The following SPMIP7 variants were observed in gnomAD, a reference collection of about 807,000 sequenced individuals.
SPMIP7 encodes the protein sperm microtubule inner protein 7, also known as protein SPMIP7.
At chr7:50,145,903 T>C in the SPMIP7 span, among the ~76,000 whole-genome samples, 15 of 151,748 alleles carry the variant, frequency 9.9e-5, no homozygotes, top group African/African-American at 3.6e-4. Flanking sequence ...CTAAGGACGT[T>C]ACAAGGTTTC....
the SPMIP7 span, among the ~76,000 whole-genome samples, chr7:50,147,442 GGACCTAT>G: frequency 6.6e-6 from 1 of 152,166 alleles, no homozygotes; most frequent in African/African-American, 2.4e-5. Context: ...CATGATCATA[GGACCTAT>G]GACACAAGAT....
the SPMIP7 span, among the ~76,000 whole-genome samples, chr7:50,098,778 T>C: frequency 6.6e-6 from 1 of 152,068 alleles, no homozygotes; most frequent in South Asian, 2.1e-4. Flanking sequence ...GCTAATTACC[T>C]CCCGAAGTCT....
chr7:50,120,555 G>A, the SPMIP7 span, among the ~76,000 whole-genome samples: 3 of 152,122 alleles, frequency 2.0e-5, no homozygotes, highest in Non-Finnish European at 4.4e-5. Flanking sequence ...ACTACAGAAA[G>A]CTTAATTTAA....
chr7:50,096,412 G>T, the SPMIP7 span: 8 of 1,551,760 alleles, frequency 5.2e-6, no homozygotes, highest in Non-Finnish European at 7.0e-6. Flanking sequence ...CCTGTTCAGG[G>T]TTTATGAGTC....
chr7:50,124,656 T>C, the SPMIP7 span, among the ~76,000 whole-genome samples: 2 of 152,122 alleles, frequency 1.3e-5, no homozygotes, highest in African/African-American at 2.4e-5. Context: ...AGTCACAAGA[T>C]AAATTAGAAA....
chr7:50,105,239 T>C, the SPMIP7 span, among the ~76,000 whole-genome samples: 2 of 152,170 alleles, frequency 1.3e-5, no homozygotes, highest in East Asian at 3.8e-4. Flanking sequence ...CATGATAAAA[T>C]TCAACCCCTT....
At chr7:50,155,640 C>T in the SPMIP7 span, among the ~76,000 whole-genome samples, 25 of 152,220 alleles carry the variant, frequency 1.6e-4, no homozygotes, top group South Asian at 6.2e-4. Context: ...TGTGATAAAA[C>T]GTTCCTATTA....
At chr7:50,117,968 A>G in the SPMIP7 span, among the ~76,000 whole-genome samples, 12 of 152,240 alleles carry the variant, frequency 7.9e-5, no homozygotes, top group Admixed American at 7.9e-4. Context: ...GCCATTATTA[A>G]GATTGAAGAT....
chr7:50,096,215 G>A, the SPMIP7 span: 3 of 1,551,762 alleles, frequency 1.9e-6, no homozygotes, highest in East Asian at 2.4e-5. Context: ...CATGCCTTTT[G>A]TGAAAGGTCT....
the SPMIP7 span, chr7:50,158,996 A>G: frequency 1.1e-5 from 17 of 1,537,128 alleles, no homozygotes; most frequent in Admixed American, 4.0e-5. Context: ...GTGTATTTGT[A>G]CATGTCTTTT....
the SPMIP7 span, among the ~76,000 whole-genome samples, chr7:50,125,161 CACATATAT>C: frequency 0.021 from 825 of 38,864 alleles, 80 homozygotes; most frequent in African/African-American, 0.079. Context: ...CATATATATA[CACATATAT>C]ACACATATAT....
chr7:50,144,615 T>C, the SPMIP7 span, among the ~76,000 whole-genome samples: 1 of 152,190 alleles, frequency 6.6e-6, no homozygotes, highest in Non-Finnish European at 1.5e-5. Flanking sequence ...AAAAATGAAA[T>C]TGTTGCCTGA....
chr7:50,124,613 C>T, the SPMIP7 span, among the ~76,000 whole-genome samples: 2 of 152,188 alleles, frequency 1.3e-5, no homozygotes, highest in African/African-American at 4.8e-5. Context: ...TAAAATTAAA[C>T]ACACTTCTAA....
the SPMIP7 span, among the ~76,000 whole-genome samples, chr7:50,111,913 A>G: frequency 6.6e-6 from 1 of 152,172 alleles, no homozygotes; most frequent in African/African-American, 2.4e-5. Flanking sequence ...CAAGAATCAA[A>G]ACAATCTAGT....
chr7:50,117,398 C>A, the SPMIP7 span: 3 of 333,670 alleles, frequency 9.0e-6, no homozygotes, highest in South Asian at 7.4e-5. Context: ...AAGACACGAC[C>A]TTTATTTGCA....
the SPMIP7 span, among the ~76,000 whole-genome samples, chr7:50,131,350 G>A: frequency 6.6e-6 from 1 of 152,154 alleles, no homozygotes; most frequent in Non-Finnish European, 1.5e-5. Flanking sequence ...CAAGGTGAAG[G>A]CAGTGGAGAA....
At chr7:50,102,731 A>G in the SPMIP7 span, among the ~76,000 whole-genome samples, 1 of 152,122 alleles carries the variant, frequency 6.6e-6, no homozygotes, top group Non-Finnish European at 1.5e-5. Flanking sequence ...TGAAAATAGT[A>G]TTACTACATT....
the SPMIP7 span, among the ~76,000 whole-genome samples, chr7:50,125,094 G>GTATATATATA: frequency 2.3e-3 from 170 of 73,800 alleles, 22 homozygotes; most frequent in South Asian, 5.4e-3. Context: ...GTGAGATTAA[G>GTATATATATA]TATATATATA....
At chr7:50,145,323 A>T in the SPMIP7 span, among the ~76,000 whole-genome samples, 2 of 151,046 alleles carry the variant, frequency 1.3e-5, no homozygotes, top group African/African-American at 4.9e-5. Context: ...TCAGTATAAG[A>T]TCCATATTCT....
Sources: gnomAD v4.1 joint callset for allele counts (sites outside exome capture counted in the v4.1 genomes callset) on GRCh38, gnomAD v4.1.1 for gene constraint, MANE v1.5 for transcripts, NCBI Gene and HGNC (gene_info 2026-07-23, HGNC 2026-07-21) for gene names.